ADAMTS3: variants seen among roughly 807,000 people sequenced by gnomAD.
ADAMTS3 encodes the protein A disintegrin and metalloproteinase with thrombospondin motifs 3.
A neutral mutation model predicts 129.0 loss-of-function variants in ADAMTS3; 73 were observed. The observed-to-expected ratio is 0.57, with a 90% CI of 0.47 to 0.69. The LOEUF is 0.69. ADAMTS3 is among the 30% of genes least tolerant of loss of function. ADAMTS3 has a pLI of 0.00. For missense variants in ADAMTS3, 1,457 were observed against 1,514.5 expected (o/e 0.96, Z 0.63); for synonymous variants, 477 against 510.8 (o/e 0.93, Z 0.89).
chr4:72,380,616 A>T (rs528265520), intron 4 of ADAMTS3, among the ~76,000 whole-genome samples: 1 of 152,168 alleles, frequency 6.6e-6, no homozygotes, highest in African/African-American at 2.4e-5. Flanking sequence ...CTAGTAAACA[A>T]TTTTTACCTG....
intron 3 of ADAMTS3, among the ~76,000 whole-genome samples, chr4:72,513,950 C>A (rs1008501386): frequency 1.3e-5 from 2 of 152,170 alleles, no homozygotes; most frequent in Admixed American, 1.3e-4. Flanking sequence ...TTTTCTATTT[C>A]TGAGTTATTT....
intron 3 of ADAMTS3, among the ~76,000 whole-genome samples, chr4:72,538,096 G>C (rs1721226717): frequency 6.6e-6 from 1 of 152,020 alleles, no homozygotes; most frequent in Admixed American, 6.6e-5. Flanking sequence ...GTCTGAGAAA[G>C]AAAAAAGATT....
intron 19 of ADAMTS3, among the ~76,000 whole-genome samples, chr4:72,295,126 A>T (rs1170252458): frequency 6.6e-6 from 1 of 152,074 alleles, no homozygotes; most frequent in East Asian, 1.9e-4. Context: ...TTCTGGAAGA[A>T]ACGTTACAAG....
chr4:72,541,146 C>G (rs1049516382), intron 3 of ADAMTS3, among the ~76,000 whole-genome samples: 2 of 152,174 alleles, frequency 1.3e-5, no homozygotes, highest in African/African-American at 4.8e-5. Context: ...TGGAGCTGCC[C>G]AAGACCATGG....
At chr4:72,299,053 C>CTG (rs60439058) in intron 17 of ADAMTS3, among the ~76,000 whole-genome samples, 27,795 of 137,976 alleles carry the variant, frequency 0.2, 2,967 homozygotes, top group Non-Finnish European at 0.26. Flanking sequence ...TATTTGCATT[C>CTG]TGTGTGTGTG....
chr4:72,304,481 G>A (rs975043609), intron 16 of ADAMTS3, among the ~76,000 whole-genome samples: 1 of 152,030 alleles, frequency 6.6e-6, no homozygotes, highest in African/African-American at 2.4e-5. Flanking sequence ...AGCATATAAT[G>A]TAACGGTTAA....
intron 3 of ADAMTS3, among the ~76,000 whole-genome samples, chr4:72,481,823 A>G (rs954491786): frequency 2.6e-5 from 4 of 152,160 alleles, no homozygotes; most frequent in Non-Finnish European, 5.9e-5. Context: ...CAAAATGTAA[A>G]TTTAAAAAAT....
intron 3 of ADAMTS3, among the ~76,000 whole-genome samples, chr4:72,429,410 C>T (rs1318192093): frequency 2.6e-5 from 4 of 151,978 alleles, no homozygotes; most frequent in African/African-American, 9.7e-5. Context: ...AAAGCGATAT[C>T]TACCAACAGT....
At chr4:72,330,246 T>G (rs975370692) in intron 5 of ADAMTS3, among the ~76,000 whole-genome samples, 2 of 152,100 alleles carry the variant, frequency 1.3e-5, no homozygotes, top group African/African-American at 4.8e-5. Context: ...CTCGAACTCC[T>G]GACCTCAGGT....
intron 3 of ADAMTS3, 32 bp downstream of exon 3, chr4:72,548,446 C>T: frequency 6.3e-7 from 1 of 1,596,742 alleles, no homozygotes; most frequent in Non-Finnish European, 8.6e-7. Context: ...CCAGCACCTG[C>T]AAACATACGC....
At chr4:72,506,620 C>G (rs1720166024) in intron 3 of ADAMTS3, among the ~76,000 whole-genome samples, 1 of 152,192 alleles carries the variant, frequency 6.6e-6, no homozygotes, top group Non-Finnish European at 1.5e-5. Flanking sequence ...GCAGCTCTTT[C>G]TGGTATCTTT....
chr4:72,367,522 C>T (rs1720898093), intron 4 of ADAMTS3, among the ~76,000 whole-genome samples: 1 of 151,938 alleles, frequency 6.6e-6, no homozygotes, highest in African/African-American at 2.4e-5. Flanking sequence ...TCCCAGTGCT[C>T]AGAGGGAAGA....
intron 3 of ADAMTS3, among the ~76,000 whole-genome samples, chr4:72,519,330 C>A (rs992824308): frequency 6.6e-6 from 1 of 152,160 alleles, no homozygotes; most frequent in Non-Finnish European, 1.5e-5. Flanking sequence ...AGTTGCTCTT[C>A]TCGAGGAGTA....
chr4:72,283,543 C>G lies in ADAMTS3; in HGVS notation c.3211G>C (p.Asp1071His). The change falls in exon 22 of 22, where the codon GAT (aspartate) becomes CAT (histidine). Residue 1071 changes from aspartate to histidine, a missense_variant. Transcript: ENST00000286657. ...YLLEAAETHD[D>H]VISNPSDLPR... ...AGGTCACTAGGGTTAGAGATGACAT[C>G]ATCATGAGTTTCAGCAGCTTCTAGA... The G allele has an allele frequency of 6.2e-7, 1 of 1,614,016 alleles. No individual in the cohort carries two copies. The highest frequency in any genetic ancestry group is 2.2e-5 in the East Asian group (1 of 44,848).
chr4:72,567,226 G>T, intron 2 of ADAMTS3, 148 bp downstream of exon 2: 1 of 786,318 alleles, frequency 1.3e-6, no homozygotes, highest in Non-Finnish European at 2.0e-6. Flanking sequence ...TCCAGAAAGA[G>T]GAAGAGAAGA....
At chr4:72,355,003 C>T (rs1437235340) in intron 4 of ADAMTS3, among the ~76,000 whole-genome samples, 1 of 151,940 alleles carries the variant, frequency 6.6e-6, no homozygotes, top group Non-Finnish European at 1.5e-5. Flanking sequence ...TTGCAAATTT[C>T]CTTCCTTTTT....
At chr4:72,363,510 T>C (rs544645299) in intron 4 of ADAMTS3, among the ~76,000 whole-genome samples, 11 of 152,258 alleles carry the variant, frequency 7.2e-5, no homozygotes, top group African/African-American at 2.6e-4. Flanking sequence ...CCCAGTGAAA[T>C]TTTTTTGCAA....
rs559637905 is a variant in ADAMTS3, at chr4:72,340,688, C to T, written c.662-995G>A. On this transcript the variant is annotated intron_variant, in intron 4 of 21. Coordinates refer to ENST00000286657, the MANE Select transcript of ADAMTS3 (RefSeq NM_014243.3). ...CATATACATACAACATACCTATATACATGGAAAGAAAGAAGAAGAGAGACA... is the reference window on the plus strand; with the variant it reads ...CATATACATACAACATACCTATATATATGGAAAGAAAGAAGAAGAGAGACA... Among the ~76,000 whole-genome samples, 12 of 151,860 alleles carry T rather than the reference C, an allele frequency of 7.9e-5. No homozygotes were observed. In the South Asian group the frequency reaches 2.3e-3, roughly 29 times the overall value.
intron 21 of ADAMTS3, among the ~76,000 whole-genome samples, chr4:72,285,509 C>T (rs954053500): frequency 5.3e-5 from 8 of 152,018 alleles, no homozygotes; most frequent in African/African-American, 1.7e-4. Context: ...TTTCCCTCAT[C>T]GCCCCTGTTA....
Sources: allele counts gnomAD v4.1 joint callset (sites outside exome capture counted in the v4.1 genomes callset), GRCh38; gene constraint gnomAD v4.1.1; transcripts MANE v1.5; gene names NCBI Gene and HGNC (gene_info 2026-07-23, HGNC 2026-07-21).